Variants in MYOM2 observed in about 807,000 individuals in gnomAD.
MYOM2 encodes myomesin-2.
MYOM2 carries 254 observed loss-of-function variants against 187.6 expected under a neutral mutation model. That is an observed-to-expected ratio of 1.35 (90% CI 1.22 to 1.50). The LOEUF (loss-of-function observed/expected upper bound fraction) is 1.50. Among genes scored for constraint, MYOM2 ranks in the 40% most tolerant of loss-of-function variants. The pLI is 0.00. For missense variants in MYOM2, 2,796 were observed against 1,924.0 expected (o/e 1.45, Z -8.48); for synonymous variants, 981 against 753.8 (o/e 1.30, Z -4.94).
At chr8:2,085,063 A>T in intron 13 of MYOM2, 200 bp from the exon 14 acceptor site, 1 of 608,026 alleles carries the variant, frequency 1.6e-6, no homozygotes, top group Middle Eastern at 4.5e-4. Context: ...TCTGTATTGG[A>T]AGCAAAACTA....
intron 6 of MYOM2, among the ~76,000 whole-genome samples, chr8:2,066,350 C>T (rs754221151): frequency 2.0e-5 from 3 of 152,222 alleles, no homozygotes; most frequent in Non-Finnish European, 4.4e-5. Flanking sequence ...TTACAGACCG[C>T]CTTGCTCACT....
intron 6 of MYOM2, among the ~76,000 whole-genome samples, chr8:2,065,160 A>G (rs1818974921): frequency 6.6e-6 from 1 of 152,240 alleles, no homozygotes; most frequent in African/African-American, 2.4e-5. Flanking sequence ...GTATTCTAGA[A>G]GTCTAAAATA....
At chr8:2,082,285 T>A (rs1330732377) in intron 13 of MYOM2, 2 of 152,234 alleles carry the variant, frequency 1.3e-5, no homozygotes, top group African/African-American at 4.8e-5. Flanking sequence ...CTTAAAAAAA[T>A]CTTTAGCCAA....
intron 6 of MYOM2, among the ~76,000 whole-genome samples, chr8:2,063,359 G>C (rs1163819933): frequency 6.6e-6 from 1 of 152,150 alleles, no homozygotes; most frequent in Non-Finnish European, 1.5e-5. Context: ...CCTTGGCCAC[G>C]GTAGCTGGAT....
In MYOM2 at chr8:2,117,459, T is replaced by A. The variant is rs573285214; in HGVS notation, c.3386-426T>A. ...AAAATTGCTAGGTCAAACTGTTGTTTCTTTATCTCATATCTATTCTCTTAT... is the reference window on the plus strand; with the variant it reads ...AAAATTGCTAGGTCAAACTGTTGTTACTTTATCTCATATCTATTCTCTTAT... On this transcript the variant is annotated intron_variant, in intron 27 of 36. Transcript: ENST00000262113. Among the ~76,000 whole-genome samples the A allele has an allele frequency of 7.9e-5, 12 of 152,384 alleles. No individual in the cohort carries two copies. In the South Asian group the frequency reaches 2.5e-3, roughly 32 times the overall value.
At chr8:2,071,385 C>T (rs1328279626) in intron 8 of MYOM2, among the ~76,000 whole-genome samples, 1 of 151,982 alleles carries the variant, frequency 6.6e-6, no homozygotes, top group African/African-American at 2.4e-5. Flanking sequence ...GATTTTTTTC[C>T]TGACATGTAT....
rs764176203 is a variant in MYOM2, at chr8:2,069,272, T to C, written c.654-6T>C. 85 of 1,608,970 alleles carry C rather than the reference T, an allele frequency of 5.3e-5. 1 individual carries two copies. The highest frequency in any genetic ancestry group is 6.7e-5 in the Admixed American group (4 of 59,874). On this transcript the variant is annotated splice_region_variant and splice_polypyrimidine_tract_variant and intron_variant, in intron 6 of 36. Transcript: ENST00000262113. ...GCAGACTTTCTCTTGTTTTTTTCTC[T>C]CCAAGGGCAGACTTTGACGACACTG...
chr8:2,078,641 T>C (rs2129336776), intron 11 of MYOM2, 93 bp from the exon 12 acceptor site: 1 of 1,142,748 alleles, frequency 8.8e-7, no homozygotes, highest in Non-Finnish European at 1.3e-6. Context: ...TGTCCTGTTA[T>C]AATCAGTGTG....
rs781234822 is a variant in MYOM2 at position 2,106,600 on chromosome 8, AAT to A, written c.2998+6_2998+7del. The A allele has an allele frequency of 2.5e-6, 4 of 1,591,454 alleles. No homozygotes were observed. Among genetic ancestry groups the A allele is most frequent in the Non-Finnish European group, 2.6e-6 (3 of 1,162,064 alleles). ...CAGTTTTGTTCTGGACCCAGAAGGTAATATTTATATGGCAGAACCTTGCCTGT... is the reference window on the plus strand; with the variant it reads ...CAGTTTTGTTCTGGACCCAGAAGGTAATTTATATGGCAGAACCTTGCCTGT... On this transcript the variant is annotated splice_donor_5th_base_variant and intron_variant, in intron 23 of 36. Transcript: ENST00000262113.
At position 2,100,905 on chromosome 8, in the gene MYOM2, G is replaced by A; in HGVS notation, c.2470G>A (p.Val824Ile). The A allele has an allele frequency of 6.2e-7, 1 of 1,614,198 alleles. No homozygotes were observed. The highest frequency in any genetic ancestry group is 1.1e-5 in the South Asian group (1 of 91,082). ...TGCCTACGACTTGACGTTCTGTGAG[G>A]TCAGGGACACGTCCTTGGTCATGCT... Reference protein sequence around the residue: ...GPAYDLTFCEVRDTSLVMLWK... With the variant: ...GPAYDLTFCEIRDTSLVMLWK... Residue 824 changes from valine (V) to isoleucine (I), a missense_variant, in exon 20 of 37, where the codon GTC becomes ATC. By Grantham distance (29) the Val-to-Ile change is conservative. Transcript: ENST00000262113.
At chr8:2,128,421 G>C (rs1165603206) in intron 31 of MYOM2, among the ~76,000 whole-genome samples, 2 of 152,168 alleles carry the variant, frequency 1.3e-5, no homozygotes, top group African/African-American at 4.8e-5. Context: ...TAGTTTTCTA[G>C]GTAACTGTAT....
chr8:2,133,754 T>C (rs78412489), intron 32 of MYOM2, among the ~76,000 whole-genome samples: 19,811 of 152,146 alleles, frequency 0.13, 2,182 homozygotes, highest in African/African-American at 0.28. Flanking sequence ...AGCCACAGTG[T>C]CTGGTCTGTC....
At chr8:2,087,023 C>A (rs150106098) in intron 14 of MYOM2, among the ~76,000 whole-genome samples, 1 of 151,874 alleles carries the variant, frequency 6.6e-6, no homozygotes, top group African/African-American at 2.4e-5. Context: ...ATGTAACCTA[C>A]AGAATTTCAC....
chr8:2,057,309 G>A lies in MYOM2; in HGVS notation c.264-39G>A, dbSNP rs182299990. 415 of 1,572,598 alleles carry A rather than the reference G, an allele frequency of 2.6e-4. 4 individuals are homozygous for A. The East Asian group carries it at 7.2e-3, about 27-fold the overall frequency. ...CTTCGGGGGCCACGTGGTTTTCTTC[G>A]TGACTCCTGCAACTGAGGCTGCTTC... On this transcript the variant is annotated intron_variant, in intron 3 of 36. Coordinates refer to ENST00000262113, the MANE Select transcript of MYOM2 (RefSeq NM_003970.4).
At chr8:2,113,644 C>G (rs886551544) in intron 25 of MYOM2, among the ~76,000 whole-genome samples, 10 of 152,136 alleles carry the variant, frequency 6.6e-5, no homozygotes, top group African/African-American at 2.4e-4. Context: ...GGGAAGGTCT[C>G]AGTTGATCAA....
chr8:2,086,451 G>C (rs935350962), intron 14 of MYOM2, among the ~76,000 whole-genome samples: 2 of 55,748 alleles, frequency 3.6e-5, no homozygotes, highest in Non-Finnish European at 9.1e-5. Context: ...CCCTACTGTC[G>C]TGATCTCCAC....
chr8:2,070,788 G>A (rs1470268065), intron 8 of MYOM2, among the ~76,000 whole-genome samples: 2 of 152,088 alleles, frequency 1.3e-5, no homozygotes, highest in Non-Finnish European at 2.9e-5. Flanking sequence ...TATATAACAC[G>A]ACATTAACCA....
chr8:2,134,113 T>G (rs910245407), intron 32 of MYOM2, among the ~76,000 whole-genome samples: 6 of 152,204 alleles, frequency 3.9e-5, no homozygotes, highest in Non-Finnish European at 7.3e-5. Context: ...CTATTAACTC[T>G]GCTACAGACC....
rs1042272301 is a variant in MYOM2, at chr8:2,118,104, G to A, written c.3453+152G>A. On this transcript the variant is annotated intron_variant, in intron 28 of 36. Transcript: ENST00000262113. ...TGCGGATGGGCGGAGTGGCTTTTGGGTCCTGTGGACTTTTTAATACTTGGA... is the reference window on the plus strand; with the variant it reads ...TGCGGATGGGCGGAGTGGCTTTTGGATCCTGTGGACTTTTTAATACTTGGA... The A allele has an allele frequency of 5.0e-6, 3 of 599,786 alleles. No individual in the cohort carries two copies. In the African/African-American group the frequency reaches 5.6e-5, roughly 11 times the overall value. The allele number at this position is 599,786 out of a possible 1,614,324, so 37.2% of individuals were successfully genotyped here. A position where few individuals can be genotyped will look rare whatever the true frequency, so the allele number is the denominator to read the frequency against.
Sources: allele counts gnomAD v4.1 joint callset (sites outside exome capture counted in the v4.1 genomes callset), GRCh38; gene constraint gnomAD v4.1.1; transcripts MANE v1.5; gene names NCBI Gene and HGNC (gene_info 2026-07-23, HGNC 2026-07-21).